Variants in CBLL1 observed in about 807,000 individuals in gnomAD.
CBLL1 encodes Cbl proto-oncogene like 1.
A neutral mutation model predicts 44.9 loss-of-function variants in CBLL1; 4 were observed. That is an observed-to-expected ratio of 0.09 (90% CI 0.04 to 0.20). The LOEUF is 0.20. CBLL1 is among the 10% of genes least tolerant of loss of function. The pLI, the probability that CBLL1 is intolerant of heterozygous loss-of-function variation, is 1.00. For synonymous variants in CBLL1, 235 were observed against 202.2 expected (o/e 1.16, Z -1.38); for missense variants, 569 against 636.7 (o/e 0.89, Z 1.14).
chr7:107,749,585 T>C (rs1167198215), intron 2 of CBLL1, among the ~76,000 whole-genome samples: 3 of 148,936 alleles, frequency 2.0e-5, no homozygotes, highest in African/African-American at 4.9e-5. Flanking sequence ...GAATTTGTAC[T>C]TTGCACAGAT....
intron 2 of CBLL1, among the ~76,000 whole-genome samples, chr7:107,751,833 T>C (rs1793305634): frequency 6.6e-6 from 1 of 152,074 alleles, no homozygotes; most frequent in Non-Finnish European, 1.5e-5. Context: ...GGAGTACAGG[T>C]GGAACTACTC....
intron 2 of CBLL1, chr7:107,749,412 ATTT>A (rs1467713673): frequency 6.5e-6 from 1 of 154,838 alleles, no homozygotes; most frequent in Non-Finnish European, 1.4e-5. Context: ...TGCATTTGAG[ATTT>A]TTTTCTTATC....
chr7:107,745,857 G>C (rs1792988945), intron 1 of CBLL1, among the ~76,000 whole-genome samples: 1 of 152,188 alleles, frequency 6.6e-6, no homozygotes, highest in Non-Finnish European at 1.5e-5. Context: ...GGTGAGACGG[G>C]AATTTGGGAA....
At chr7:107,744,277 A>C in intron 1 of CBLL1, 101 bp downstream of exon 1, 1 of 1,319,188 alleles carries the variant, frequency 7.6e-7, no homozygotes, top group Non-Finnish European at 1.0e-6. Context: ...GCCCCACAAC[A>C]CTAGGGTGTG....
intron 5 of CBLL1, among the ~76,000 whole-genome samples, chr7:107,757,125 G>A (rs1395926322): frequency 1.3e-5 from 2 of 152,094 alleles, no homozygotes; most frequent in African/African-American, 4.8e-5. Flanking sequence ...GAGCCATTTA[G>A]TATAGTGTCA....
chr7:107,753,944 A>G lies in CBLL1; in HGVS notation c.332A>G (p.Lys111Arg), dbSNP rs1171970733. Residue 111 changes from lysine to arginine, a missense_variant, in exon 4 of 6, where the codon AAG becomes AGG. Physicochemically the swap from Lys to Arg is conservative, Grantham distance 26. Coordinates refer to ENST00000440859, the MANE Select transcript of CBLL1 (RefSeq NM_024814.4). Reference sequence around the variant, plus strand: ...GATACACCAGTTCATTTCTGTGACAAGTGTGGATTGCCTATTAAAATCTAT... The same window carrying G: ...GATACACCAGTTCATTTCTGTGACAGGTGTGGATTGCCTATTAAAATCTAT... ...KDDTPVHFCDKCGLPIKIYGR... is the reference protein window; with the variant it reads ...KDDTPVHFCDRCGLPIKIYGR... The G allele has an allele frequency of 3.1e-6, 5 of 1,596,350 alleles. No homozygotes were observed. Among genetic ancestry groups the G allele is most frequent in the Non-Finnish European group, 4.3e-6 (5 of 1,170,184 alleles).
At position 107,753,475 on chromosome 7, in the gene CBLL1, G is replaced by A. The variant is rs769644687; in HGVS notation, c.246G>A (p.Gln82=). 66 of 1,589,724 alleles carry A rather than the reference G, an allele frequency of 4.2e-5. No individual in the cohort carries two copies. Among genetic ancestry groups the A allele is most frequent in the Non-Finnish European group, 5.2e-5 (61 of 1,170,384 alleles). ...AAGGGGGTGAGCTGTTTGCAAATCAGCGAAGATTTCCTGGACACCTTTTTT... is the reference window on the plus strand; with the variant it reads ...AAGGGGGTGAGCTGTTTGCAAATCAACGAAGATTTCCTGGACACCTTTTTT... ...DCKGGELFAN[Q]RRFPGHLFWD... is the part of the protein sequence containing the mutation. The change falls in exon 3 of 6, where the codon CAG becomes CAA. Residue 82 remains glutamine, a synonymous_variant. Transcript: ENST00000440859.
intron 2 of CBLL1, among the ~76,000 whole-genome samples, chr7:107,751,629 G>T (rs140817846): frequency 4.1e-4 from 63 of 152,230 alleles, no homozygotes; most frequent in Non-Finnish European, 8.4e-4. Context: ...GGTCACTCCT[G>T]CTTTGGCTTT....
At chr7:107,749,827 T>C (rs1793197252) in intron 2 of CBLL1, among the ~76,000 whole-genome samples, 1 of 152,188 alleles carries the variant, frequency 6.6e-6, no homozygotes, top group South Asian at 2.1e-4. Context: ...TGAAAGAGTG[T>C]ATATTTTTTC....
At chr7:107,753,532 T>G (rs1793398137) in intron 3 of CBLL1, 21 bp downstream of exon 3, 1 of 1,379,162 alleles carries the variant, frequency 7.3e-7, no homozygotes. Context: ...AAATGAAAAA[T>G]TGTATTATAA....
Position 107,758,109 on chromosome 7 carries a change from T to G in CBLL1, c.441-34T>G, listed in dbSNP as rs1192323664. ...ATTACATAATTTTTTGTATTCTCTT[T>G]TAGTAAATCACATTTCTTTCCCTTC... On this transcript the variant is annotated intron_variant, in intron 5 of 5. Coordinates refer to ENST00000440859, the MANE Select transcript of CBLL1 (RefSeq NM_024814.4). The surrounding 1 kb of genome is among the most constrained non-coding windows in gnomAD (Gnocchi z 4.2). 2 of 1,525,484 alleles carry G rather than the reference T, an allele frequency of 1.3e-6. No homozygotes were observed. Among genetic ancestry groups the G allele is most frequent in the Admixed American group, 2.2e-5 (1 of 45,536 alleles). The allele number at this position is 1,525,484 out of a possible 1,614,324, so 94.5% of individuals were successfully genotyped here.
chr7:107,746,437 G>T lies in CBLL1; in HGVS notation c.13+2261G>T, dbSNP rs188647249. On this transcript the variant is annotated intron_variant, in intron 1 of 5. Transcript: ENST00000440859. The stretch of plus-strand genomic sequence containing the variant: ...TTTTTTTAAATGAATCAATCTCTTT[G>T]ATGTTTAGTATCAGAAGACAGTATC... Among the ~76,000 whole-genome samples the T allele has an allele frequency of 6.7e-3, 1,013 of 152,096 alleles. 17 individuals are homozygous for T. The highest frequency in any genetic ancestry group is 0.024 in the African/African-American group (979 of 41,468).
Position 107,753,329 on chromosome 7 carries a change from G to A in CBLL1, c.182-82G>A. ...CATCAGATGAGCTTTTTAGTGAAAA[G>A]GTCTATTTTGCCATGTATATGTGCT... On this transcript the variant is annotated intron_variant, in intron 2 of 5. Transcript: ENST00000440859. 7.4e-6 allele frequency: 6 copies of A among 814,188 alleles called. 1 individual carries two copies. The South Asian group carries it at 9.9e-5, about 13-fold the overall frequency. 50.4% of individuals were successfully genotyped at this position (814,188 alleles called of 1,614,324 possible).
At chr7:107,755,325 C>T in intron 4 of CBLL1, 93 bp from the exon 5 acceptor site, 1 of 478,218 alleles carries the variant, frequency 2.1e-6, no homozygotes, top group Non-Finnish European at 3.3e-6. Context: ...TCTCAAGTGT[C>T]TTCTAAGCCT....
chr7:107,749,493 AAC>A (rs1302376382), intron 2 of CBLL1, among the ~76,000 whole-genome samples: 2 of 152,098 alleles, frequency 1.3e-5, no homozygotes, highest in African/African-American at 4.8e-5. Context: ...TAATTTATTT[AAC>A]AGTTTTTCCA....
intron 5 of CBLL1, among the ~76,000 whole-genome samples, chr7:107,756,166 C>T (rs140083362): frequency 3.9e-5 from 6 of 152,190 alleles, no homozygotes; most frequent in African/African-American, 1.2e-4. Flanking sequence ...AGTTCAGAAT[C>T]GTTGATAAGG....
chr7:107,757,060 T>A (rs1793558587), intron 5 of CBLL1, among the ~76,000 whole-genome samples: 1 of 151,802 alleles, frequency 6.6e-6, no homozygotes, highest in African/African-American at 2.4e-5. Flanking sequence ...CAATAAGGAG[T>A]GCCAGCCTTA....
chr7:107,749,505 A>G (rs1053845899), intron 2 of CBLL1, among the ~76,000 whole-genome samples: 4 of 152,034 alleles, frequency 2.6e-5, no homozygotes, highest in Admixed American at 2.6e-4. Flanking sequence ...CAGTTTTTCC[A>G]GTTTTTTCTG....
At chr7:107,744,504 C>T in intron 1 of CBLL1, 1 of 352,968 alleles carries the variant, frequency 2.8e-6, no homozygotes. Flanking sequence ...CTCTGGCCTA[C>T]GTTATGGAGA....
Sources: gnomAD v4.1 joint callset for allele counts (sites outside exome capture counted in the v4.1 genomes callset) on GRCh38, gnomAD v4.1.1 for gene constraint, Gnocchi (gnomAD v3.1) non-coding constraint, MANE v1.5 for transcripts, NCBI Gene and HGNC (gene_info 2026-07-23, HGNC 2026-07-21) for gene names.